The following SORCS1 variants were observed in gnomAD, a reference collection of about 807,000 sequenced individuals.
The protein encoded by SORCS1 is sortilin related VPS10 domain containing receptor 1.
A neutral mutation model predicts 146.1 loss-of-function variants in SORCS1; 60 were observed. The observed-to-expected ratio is 0.41, with a 90% CI of 0.33 to 0.51. The LOEUF is 0.51. SORCS1 is among the 20% of genes least tolerant of loss of function. The pLI is 0.21. For synonymous variants in SORCS1, 637 were observed against 584.0 expected, an observed-to-expected ratio of 1.09 and a Z score of -1.31; for missense variants, 1,352 against 1,487.6, an observed-to-expected ratio of 0.91 and a Z score of 1.50.
chr10:106,803,994 A>G (rs541512171), intron 3 of SORCS1, among the ~76,000 whole-genome samples: 14 of 152,282 alleles, frequency 9.2e-5, no homozygotes, highest in African/African-American at 2.9e-4. Context: ...CCAGGAGACT[A>G]TGGGGCCAAT....
Position 107,144,910 on chromosome 10 carries a change from G to A in SORCS1, c.558+19059C>T, listed in dbSNP as rs144674692. Among the ~76,000 whole-genome samples, 795 of 152,240 alleles carry A rather than the reference G, an allele frequency of 5.2e-3. 6 individuals carry two copies. Among genetic ancestry groups the A allele is most frequent in the Admixed American group, 9.1e-3 (139 of 15,296 alleles). On this transcript the variant is annotated intron_variant, in intron 1 of 25. Transcript: ENST00000263054. ...TATGTGTGACAAATATCCACATCAC[G>A]CTGTTAAAAAGGGGAAAAAAAAGAA...
chr10:106,957,488 A>G (rs1230253735), intron 1 of SORCS1, among the ~76,000 whole-genome samples: 1 of 151,958 alleles, frequency 6.6e-6, no homozygotes, highest in Non-Finnish European at 1.5e-5. Context: ...AGGATTCTTA[A>G]ATGTTAATTC....
chr10:106,719,243 A>T (rs527735600), intron 6 of SORCS1, among the ~76,000 whole-genome samples: 2 of 152,300 alleles, frequency 1.3e-5, no homozygotes, highest in African/African-American at 4.8e-5. Flanking sequence ...AGGAGAAAGC[A>T]TACAGTTTCC....
intron 10 of SORCS1, among the ~76,000 whole-genome samples, chr10:106,681,360 ATTT>A (rs1055550653): frequency 6.6e-6 from 1 of 152,200 alleles, no homozygotes; most frequent in Non-Finnish European, 1.5e-5. Flanking sequence ...TGTATTATCT[ATTT>A]CAGGTACATA....
rs1564852015 is a variant in SORCS1, at chr10:106,956,510, T to TA, written c.626+2dup. 6.2e-7 allele frequency: 1 copy of TA among 1,613,580 alleles called. No individual in the cohort carries two copies. Among genetic ancestry groups the TA allele is most frequent in the Non-Finnish European group, 8.5e-7 (1 of 1,179,598 alleles). ...TAATTATTAGCTCCATTTATCTACA[T>TA]ACCTCCAAAGCGAGCTCTCTGTGAT... On this transcript the variant is annotated splice_region_variant and intron_variant, in intron 2 of 25. Transcript: ENST00000263054.
At chr10:106,608,255 G>C (rs17095081) in intron 22 of SORCS1, among the ~76,000 whole-genome samples, 1 of 152,148 alleles carries the variant, frequency 6.6e-6, no homozygotes, top group Non-Finnish European at 1.5e-5. Context: ...CAACTCTTAC[G>C]CTTTTGCCAA....
At chr10:106,980,561 C>T (rs114079330) in intron 1 of SORCS1, among the ~76,000 whole-genome samples, 3 of 152,198 alleles carry the variant, frequency 2.0e-5, no homozygotes, top group Admixed American at 2.0e-4. Context: ...GACTGCAAAT[C>T]AATGACAAGC....
At chr10:107,136,941 C>A (rs1967351637) in intron 1 of SORCS1, among the ~76,000 whole-genome samples, 1 of 152,174 alleles carries the variant, frequency 6.6e-6, no homozygotes, top group South Asian at 2.1e-4. Context: ...CCCCTCAAAT[C>A]ACTCTATCTT....
Position 107,070,642 on chromosome 10 carries a change from C to T in SORCS1, c.558+93327G>A, listed in dbSNP as rs1205347583. Among the ~76,000 whole-genome samples the T allele has an allele frequency of 2.6e-5, 4 of 152,122 alleles. No individual in the cohort carries two copies. The East Asian group carries it at 7.7e-4, about 29-fold the overall frequency. ...ATCCATTTCTTTTATTCTTTAAATC[C>T]ATTCTATTGGCTCTCACAGAACACG... On this transcript the variant is annotated intron_variant, in intron 1 of 25. Coordinates refer to ENST00000263054, the MANE Select transcript of SORCS1 (RefSeq NM_052918.5).
intron 1 of SORCS1, among the ~76,000 whole-genome samples, chr10:107,144,034 C>T (rs967680437): frequency 6.6e-6 from 1 of 152,140 alleles, no homozygotes; most frequent in Non-Finnish European, 1.5e-5. Flanking sequence ...TTCTCCCTTC[C>T]TTTCATGGGC....
the SORCS1 span, among the ~76,000 whole-genome samples, chr10:107,172,553 C>T: frequency 6.6e-6 from 1 of 152,350 alleles, no homozygotes; most frequent in South Asian, 2.1e-4. Context: ...AGTTAGCCAT[C>T]TCCTCCATTA....
intron 1 of SORCS1, among the ~76,000 whole-genome samples, chr10:107,145,851 T>C (rs1194346689): frequency 6.6e-6 from 1 of 152,234 alleles, no homozygotes; most frequent in Non-Finnish European, 1.5e-5. Context: ...GAAGAAATTA[T>C]TATAAAAAGA....
intron 9 of SORCS1, among the ~76,000 whole-genome samples, chr10:106,690,712 T>C (rs1233155855): frequency 2.0e-5 from 3 of 152,238 alleles, no homozygotes; most frequent in African/African-American, 7.2e-5. Context: ...TATTTTCCTC[T>C]TGCAGCCAAG....
At chr10:107,023,534 A>G (rs1020195168) in intron 1 of SORCS1, among the ~76,000 whole-genome samples, 11 of 152,310 alleles carry the variant, frequency 7.2e-5, no homozygotes, top group African/African-American at 1.9e-4. Context: ...GTGACATAAG[A>G]ATTTTTATAG....
intron 3 of SORCS1, among the ~76,000 whole-genome samples, chr10:106,781,921 G>A (rs1325200488): frequency 1.4e-5 from 2 of 147,856 alleles, no homozygotes; most frequent in Admixed American, 6.6e-5. Context: ...CTCAAATCAA[G>A]CACACACTGA....
At chr10:106,640,801 A>G (rs1246262442) in intron 18 of SORCS1, among the ~76,000 whole-genome samples, 1 of 152,228 alleles carries the variant, frequency 6.6e-6, no homozygotes. Flanking sequence ...CTCTCACTGC[A>G]TGCTTGGGTC....
intron 2 of SORCS1, among the ~76,000 whole-genome samples, chr10:106,955,047 A>G (rs1180445582): frequency 1.3e-5 from 2 of 152,238 alleles, no homozygotes; most frequent in African/African-American, 2.4e-5. Context: ...CCTAGGAGGC[A>G]TGGGCTAGAG....
intron 1 of SORCS1, among the ~76,000 whole-genome samples, chr10:106,999,658 G>T (rs999029534): frequency 1.3e-5 from 2 of 152,132 alleles, no homozygotes; most frequent in Non-Finnish European, 2.9e-5. Context: ...GCTTGGCTCT[G>T]GCAAACAATA....
intron 20 of SORCS1, among the ~76,000 whole-genome samples, chr10:106,619,789 A>G (rs1450956958): frequency 6.6e-6 from 1 of 152,328 alleles, no homozygotes; most frequent in African/African-American, 2.4e-5. Context: ...AGAGTAAACA[A>G]GGTGTTAGGT....
Sources: allele counts gnomAD v4.1 joint callset (sites outside exome capture counted in the v4.1 genomes callset), GRCh38; gene constraint gnomAD v4.1.1; transcripts MANE v1.5; gene names NCBI Gene and HGNC (gene_info 2026-07-23, HGNC 2026-07-21).